The following CATSPERB variants were observed in gnomAD, a reference collection of about 807,000 sequenced individuals.
The protein encoded by CATSPERB is catsper channel auxiliary subunit beta, also known as cation channel sperm-associated auxiliary subunit beta.
Under a neutral mutation model 128.3 loss-of-function variants are expected in CATSPERB, and 93 were observed. The observed-to-expected ratio is 0.72, with a 90% CI of 0.61 to 0.86. CATSPERB has a LOEUF of 0.86. CATSPERB is among the 40% of genes least tolerant of loss of function. The probability of loss-of-function intolerance (pLI) is 0.00; values close to 1 mark genes in which losing one functional copy is unlikely to be tolerated. For missense variants in CATSPERB, 1,153 were observed against 1,329.5 expected, an observed-to-expected ratio of 0.87 and a Z score of 2.06; for synonymous variants, 381 against 448.8, an observed-to-expected ratio of 0.85 and a Z score of 1.91.
chr14:91,614,850 T>C (rs1300497348), intron 20 of CATSPERB, among the ~76,000 whole-genome samples: 1 of 152,076 alleles, frequency 6.6e-6, no homozygotes, highest in East Asian at 1.9e-4. Flanking sequence ...TTTTTTTCCT[T>C]CTGTTTCATA....
Position 91,624,861 on chromosome 14 carries a change from T to G in CATSPERB, c.1889A>C (p.Asn630Thr), listed in dbSNP as rs768588947. ...SSCLSSSLLI[N>T]KAGNVYKLTL... ...GAGTTTATAGACATTTCCAGCTTTA[T>G]TAATCAAAAGGGAACTAGACAAACA... The change falls in exon 18 of 27, where the codon AAT (asparagine) becomes ACT (threonine). Residue 630 changes from asparagine to threonine, a missense_variant. Physicochemically the swap from Asn to Thr is moderately conservative, Grantham distance 65. Transcript: ENST00000256343. 1.9e-6 allele frequency: 3 copies of G among 1,609,596 alleles called. No homozygotes were observed. The highest frequency in any genetic ancestry group is 2.5e-6 in the Non-Finnish European group (3 of 1,178,908).
rs1008195335 is a variant in CATSPERB at position 91,644,350 on chromosome 14, G to A, written c.1433-5100C>T. Among the ~76,000 whole-genome samples the A allele has an allele frequency of 8.9e-3, 1,281 of 143,306 alleles. 16 individuals carry two copies. The highest frequency in any genetic ancestry group is 0.046 in the Middle Eastern group (13 of 282). 94.0% of individuals were successfully genotyped at this position (143,306 alleles called of 152,430 possible). A position where few individuals can be genotyped will look rare whatever the true frequency, so the allele number is the denominator to read the frequency against. On this transcript the variant is annotated intron_variant, in intron 15 of 26. Transcript: ENST00000256343. ...GCATGATTTTGCAGCGGCTGGTACC[G>A]GTTGTTCCTTTCCATGTTTAGCGCT...
intron 5 of CATSPERB, among the ~76,000 whole-genome samples, chr14:91,717,360 T>C (rs1895960643): frequency 1.3e-5 from 2 of 152,300 alleles, no homozygotes; most frequent in South Asian, 4.1e-4. Context: ...ATGCAAATTA[T>C]ACCTTATTTT....
At chr14:91,589,060 G>A (rs1424074867) in intron 24 of CATSPERB, among the ~76,000 whole-genome samples, 1 of 152,170 alleles carries the variant, frequency 6.6e-6, no homozygotes, top group Non-Finnish European at 1.5e-5. Context: ...GTGAATAGGG[G>A]TAAACATCTT....
At chr14:91,704,045 C>T (rs1895695702) in intron 7 of CATSPERB, among the ~76,000 whole-genome samples, 1 of 152,114 alleles carries the variant, frequency 6.6e-6, no homozygotes, top group African/African-American at 2.4e-5. Flanking sequence ...AGGACACCTA[C>T]TCGGTCATCC....
intron 18 of CATSPERB, among the ~76,000 whole-genome samples, 190 bp from the exon 19 acceptor site, chr14:91,622,127 C>T (rs1894060133): frequency 1.3e-5 from 2 of 152,018 alleles, no homozygotes; most frequent in Non-Finnish European, 2.9e-5. Context: ...AGACCATGCA[C>T]CTATGCTTTA....
rs544492536 is a variant in CATSPERB, at chr14:91,687,135, T to C, written c.865-3192A>G. Among the ~76,000 whole-genome samples the C allele has an allele frequency of 7.9e-5, 12 of 152,252 alleles. No individual in the cohort carries two copies. In the East Asian group the frequency reaches 2.3e-3, roughly 29 times the overall value. On this transcript the variant is annotated intron_variant, in intron 10 of 26. Transcript: ENST00000256343. ...GAAAAGATATAAAATAAAAAAAGAT[T>C]ACCTGTAAGGGACAGGGAAAAATCA...
In CATSPERB at chr14:91,610,486, A is replaced by G. The variant is rs762261454; in HGVS notation, c.2592T>C (p.Thr864=). The G allele has an allele frequency of 1.2e-6, 2 of 1,607,344 alleles. No individual in the cohort carries two copies. The highest frequency in any genetic ancestry group is 3.4e-5 in the Admixed American group (2 of 58,464). ...KDSQGFNLIK[T]LPINYRPPSN... ...CTTAGATTTTTTTTTTTACCGGCAA[A>G]GTTTTGATGAGGTTAAAACCCTGAC... The change falls in exon 21 of 27, where the codon ACT becomes ACC. Residue 864 remains threonine, a synonymous_variant. Transcript: ENST00000256343.
At chr14:91,633,882 A>G (rs1316788211) in intron 17 of CATSPERB, among the ~76,000 whole-genome samples, 1 of 152,098 alleles carries the variant, frequency 6.6e-6, no homozygotes, top group Non-Finnish European at 1.5e-5. Flanking sequence ...AGGAACAACA[A>G]TAATTCCATT....
intron 17 of CATSPERB, among the ~76,000 whole-genome samples, chr14:91,633,053 C>T (rs1367522386): frequency 6.6e-6 from 1 of 152,204 alleles, no homozygotes; most frequent in Non-Finnish European, 1.5e-5. Flanking sequence ...CTAGCCCAAG[C>T]CCCCTTGCCT....
chr14:91,606,263 A>G (rs1566700819), intron 22 of CATSPERB, among the ~76,000 whole-genome samples: 1 of 152,114 alleles, frequency 6.6e-6, no homozygotes, highest in African/African-American at 2.4e-5. Flanking sequence ...AGAAAGATGC[A>G]TCGTAGAAAT....
intron 1 of CATSPERB, among the ~76,000 whole-genome samples, chr14:91,730,411 C>A (rs1437622183): frequency 6.6e-6 from 1 of 152,120 alleles, no homozygotes; most frequent in Non-Finnish European, 1.5e-5. Context: ...CCTACAGACA[C>A]CTTGATCTCA....
intron 13 of CATSPERB, 100 bp downstream of exon 13, chr14:91,672,767 C>A (rs1390719507): frequency 2.2e-6 from 2 of 922,112 alleles, no homozygotes; most frequent in Non-Finnish European, 3.2e-6. Flanking sequence ...TTTATAGGTT[C>A]TATTGCCAGA....
At chr14:91,696,756 T>C (rs1895569055) in intron 7 of CATSPERB, among the ~76,000 whole-genome samples, 1 of 152,132 alleles carries the variant, frequency 6.6e-6, no homozygotes, top group South Asian at 2.1e-4. Flanking sequence ...GCACAACAGA[T>C]GTAAGAGCAA....
chr14:91,621,099 T>C (rs919402554), intron 19 of CATSPERB, among the ~76,000 whole-genome samples: 1 of 152,174 alleles, frequency 6.6e-6, no homozygotes, highest in African/African-American at 2.4e-5. Context: ...AAACATTAAA[T>C]AAAATAATGT....
chr14:91,699,501 A>C (rs999164296), intron 7 of CATSPERB, among the ~76,000 whole-genome samples: 1 of 152,204 alleles, frequency 6.6e-6, no homozygotes, highest in African/African-American at 2.4e-5. Context: ...AAAAAGAATA[A>C]CATTTCTTGA....
intron 18 of CATSPERB, among the ~76,000 whole-genome samples, 183 bp from the exon 19 acceptor site, chr14:91,622,120 C>A (rs936636218): frequency 6.6e-6 from 1 of 152,042 alleles, no homozygotes; most frequent in African/African-American, 2.4e-5. Context: ...CATAAATAGA[C>A]CATGCACCTA....
intron 14 of CATSPERB, among the ~76,000 whole-genome samples, chr14:91,662,313 T>C (rs1010001287): frequency 2.6e-5 from 4 of 152,238 alleles, no homozygotes; most frequent in Admixed American, 6.5e-5. Context: ...CCATACCATA[T>C]ATTGTCTTCT....
chr14:91,587,152 T>A (rs757125283), intron 26 of CATSPERB, 50 bp downstream of exon 26: 1 of 1,441,850 alleles, frequency 6.9e-7, no homozygotes, highest in Non-Finnish European at 9.5e-7. Flanking sequence ...GGTTTTGTCA[T>A]GTTTTTTCCC....
Sources: gnomAD v4.1 joint callset for allele counts (sites outside exome capture counted in the v4.1 genomes callset) on GRCh38, gnomAD v4.1.1 for gene constraint, MANE v1.5 for transcripts, NCBI Gene and HGNC (gene_info 2026-07-23, HGNC 2026-07-21) for gene names.